Variants in PDE8B observed in about 807,000 individuals in gnomAD.
PDE8B encodes high affinity cAMP-specific and IBMX-insensitive 3',5'-cyclic phosphodiesterase 8B.
A neutral mutation model predicts 101.3 loss-of-function variants in PDE8B; 26 were observed. That is an observed-to-expected ratio of 0.26 (90% CI 0.19 to 0.36). PDE8B has a LOEUF of 0.36. Ranked by LOEUF, PDE8B falls within the 10% of genes least tolerant of loss-of-function variation. The pLI, the probability that PDE8B is intolerant of heterozygous loss-of-function variation, is 1.00. For missense variants in PDE8B, 810 were observed against 1,163.1 expected (o/e 0.70, Z 4.42); for synonymous variants, 424 against 429.3 (o/e 0.99, Z 0.15).
At chr5:77,298,547 G>T (rs1452631765) in intron 1 of PDE8B, among the ~76,000 whole-genome samples, 2 of 152,222 alleles carry the variant, frequency 1.3e-5, no homozygotes, top group African/African-American at 4.8e-5. Flanking sequence ...CAGTGCAACT[G>T]AAGGCAGAAC....
chr5:77,251,537 C>T (rs1235034559), intron 1 of PDE8B, among the ~76,000 whole-genome samples: 1 of 152,176 alleles, frequency 6.6e-6, no homozygotes, highest in African/African-American at 2.4e-5. Context: ...ATTGTTGGTT[C>T]TCCTGAGTCC....
rs553275698 is a variant in PDE8B, at chr5:77,267,093, T to C, written c.340-44901T>C. Among the ~76,000 whole-genome samples the C allele has an allele frequency of 9.2e-5, 14 of 152,260 alleles. No individual in the cohort carries two copies. The South Asian group carries it at 2.7e-3, about 29-fold the overall frequency. On this transcript the variant is annotated intron_variant, in intron 1 of 21. Transcript: ENST00000264917. ...GTGTTAAGGCTTATTTGTTGCTCAG[T>C]TGAGTGACTCATTCACCACTTCTTA...
chr5:77,175,299 T>C, the PDE8B span, among the ~76,000 whole-genome samples: 1 of 144,102 alleles, frequency 6.9e-6, no homozygotes, highest in African/African-American at 2.8e-5. Context: ...GAAAGCAAAT[T>C]ATATTGTGTT....
the PDE8B span, among the ~76,000 whole-genome samples, chr5:77,178,722 C>T: frequency 9.8e-4 from 149 of 152,290 alleles, no homozygotes; most frequent in African/African-American, 3.5e-3. Flanking sequence ...TTTAAGATTA[C>T]TCTGAAAGCG....
intron 10 of PDE8B, among the ~76,000 whole-genome samples, chr5:77,374,077 C>T (rs1785599771): frequency 6.6e-6 from 1 of 152,056 alleles, no homozygotes; most frequent in Non-Finnish European, 1.5e-5. Context: ...CTCGAACTCC[C>T]GACCTCAGGT....
At chr5:77,411,806 G>A (rs2151095334) in intron 15 of PDE8B, 85 bp downstream of exon 15, 1 of 1,047,616 alleles carries the variant, frequency 9.5e-7, no homozygotes, top group Non-Finnish European at 1.5e-6. Context: ...TCTGGGAGGT[G>A]TTACTTCCAG....
chr5:77,331,517 C>A, intron 5 of PDE8B, 58 bp downstream of exon 5: 1 of 1,325,778 alleles, frequency 7.5e-7, no homozygotes. Flanking sequence ...CCCTAACTCT[C>A]CCATAACAGG....
chr5:77,422,441 TTTATG>T (rs1796870125), intron 20 of PDE8B, among the ~76,000 whole-genome samples: 1 of 152,134 alleles, frequency 6.6e-6, no homozygotes, highest in Non-Finnish European at 1.5e-5. Flanking sequence ...CTCAAGGAAG[TTTATG>T]TTAAGTGCTA....
the PDE8B span, among the ~76,000 whole-genome samples, chr5:77,125,590 A>G: frequency 6.6e-6 from 1 of 152,274 alleles, no homozygotes. Context: ...GAATGGATGT[A>G]TACACATACA....
chr5:77,418,107 A>T, intron 17 of PDE8B, 122 bp from the exon 18 acceptor site: 1 of 726,284 alleles, frequency 1.4e-6, no homozygotes, highest in Non-Finnish European at 2.5e-6. Context: ...CAGAAGGCTC[A>T]GCTGGCTAAA....
In PDE8B at chr5:77,210,951, T is replaced by A; in HGVS notation, c.26T>A (p.Val9Asp). 6.6e-7 allele frequency: 1 copy of A among 1,516,552 alleles called. No homozygotes were observed. Among genetic ancestry groups the A allele is most frequent in the Non-Finnish European group, 8.8e-7 (1 of 1,141,288 alleles). The allele number at this position is 1,516,552 out of a possible 1,614,324, so 93.9% of individuals were successfully genotyped here. MGCAPSIH[V>D]SQSGVIYCRD... is the part of the protein sequence containing the mutation. ...ATGGGCTGCGCCCCCAGCATCCATG[T>A]CTCGCAGAGCGGCGTGATCTACTGC... The change falls in exon 1 of 22, where the codon GTC becomes GAC. Residue 9 changes from valine (V) to aspartate (D), a missense_variant. Physicochemically the swap from Val to Asp is radical, Grantham distance 152. This residue lies in a region of PDE8B where 159 missense variants were observed against 146.6 expected (regional missense o/e 1.08). Transcript: ENST00000264917. The surrounding 1 kb of genome is among the most constrained non-coding windows in gnomAD (Gnocchi z 4.9).
At chr5:77,284,538 A>G (rs1277565686) in intron 1 of PDE8B, among the ~76,000 whole-genome samples, 3 of 152,238 alleles carry the variant, frequency 2.0e-5, no homozygotes, top group East Asian at 1.9e-4. Context: ...AGTCATAAGT[A>G]TACAAGTTGA....
At chr5:77,230,592 G>A (rs1053185227) in intron 1 of PDE8B, among the ~76,000 whole-genome samples, 2 of 152,076 alleles carry the variant, frequency 1.3e-5, no homozygotes, top group Admixed American at 6.5e-5. Context: ...TCAGCCTCCC[G>A]AGTATCTAGG....
chr5:77,200,168 C>A, the PDE8B span, among the ~76,000 whole-genome samples: 42 of 151,622 alleles, frequency 2.8e-4, no homozygotes, highest in African/African-American at 8.5e-4. Flanking sequence ...GACAATTCTG[C>A]AACAAAAACC....
chr5:77,295,386 G>A (rs905049827), intron 1 of PDE8B, among the ~76,000 whole-genome samples: 3 of 152,136 alleles, frequency 2.0e-5, no homozygotes, highest in African/African-American at 7.2e-5. Context: ...TTTGGGGTAC[G>A]TTAGCTTCTG....
chr5:77,254,593 C>T (rs533829835), intron 1 of PDE8B, among the ~76,000 whole-genome samples: 1 of 150,590 alleles, frequency 6.6e-6, no homozygotes, highest in South Asian at 2.1e-4. Flanking sequence ...TTTGTTTTGT[C>T]TTTTTTTTTC....
chr5:77,116,083 C>T, the PDE8B span, among the ~76,000 whole-genome samples: 6 of 151,936 alleles, frequency 3.9e-5, no homozygotes, highest in East Asian at 3.9e-4. Flanking sequence ...ACAGCAATGA[C>T]GAACTTGTTC....
chr5:77,255,585 G>A (rs922821898), intron 1 of PDE8B, among the ~76,000 whole-genome samples: 3 of 152,112 alleles, frequency 2.0e-5, no homozygotes, highest in Admixed American at 6.5e-5. Flanking sequence ...CCCCAGCCCC[G>A]AACTCCCCTG....
chr5:77,351,160 G>A lies in PDE8B; in HGVS notation c.1106+7G>A. 6.3e-7 allele frequency: 1 copy of A among 1,598,660 alleles called. No homozygotes were observed. Among genetic ancestry groups the A allele is most frequent in the Non-Finnish European group, 8.6e-7 (1 of 1,166,018 alleles). On this transcript the variant is annotated splice_region_variant and intron_variant, in intron 9 of 21. Coordinates refer to ENST00000264917, the MANE Select transcript of PDE8B (RefSeq NM_003719.5). ...CAGTGATTGGCCAAGGAGGGTGAGAGCAAACTGTTCAACTCTTTTAGCTGA... is the reference window on the plus strand; with the variant it reads ...CAGTGATTGGCCAAGGAGGGTGAGAACAAACTGTTCAACTCTTTTAGCTGA...
Sources: allele counts gnomAD v4.1 joint callset (sites outside exome capture counted in the v4.1 genomes callset), GRCh38; gene constraint gnomAD v4.1.1; regional missense constraint gnomAD v4.1.1; non-coding constraint Gnocchi (gnomAD v3.1); transcripts MANE v1.5; gene names NCBI Gene and HGNC (gene_info 2026-07-23, HGNC 2026-07-21).